The following SZRD1 variants were observed in gnomAD, a reference collection of about 807,000 sequenced individuals.
SZRD1 encodes SUZ RNA-binding domain-containing.
SZRD1 carries 7 observed loss-of-function variants against 17.6 expected under a neutral mutation model. That is an observed-to-expected ratio of 0.40 (90% CI 0.23 to 0.75). The LOEUF (loss-of-function observed/expected upper bound fraction) is 0.75. SZRD1 is among the 30% of genes least tolerant of loss of function. The pLI, the probability that SZRD1 is intolerant of heterozygous loss-of-function variation, is 0.38. For missense variants in SZRD1, 178 were observed against 201.8 expected (o/e 0.88, Z 0.71); for synonymous variants, 77 against 77.9 (o/e 0.99, Z 0.06).
chr1:16,398,058 T>TCCCAC lies in SZRD1; in HGVS notation c.*2926_*2930dup. 1 of 884,322 alleles carries TCCCAC rather than the reference T, an allele frequency of 1.1e-6. No homozygotes were observed. Among genetic ancestry groups the TCCCAC allele is most frequent in the South Asian group, 5.2e-5 (1 of 19,192 alleles). The allele number at this position is 884,322 out of a possible 1,614,324, so 54.8% of individuals were successfully genotyped here. On this transcript the variant is annotated 3_prime_UTR_variant, in exon 4 of 4. Transcript: ENST00000401088. ...GCTGGTGTAGCGGGCAGCTGCCCAC[T>TCCCAC]CCCACCCCACCCTGCACCGCGGGCT...
At chr1:16,395,009 A>C in intron 3 of SZRD1, 29 bp from the exon 4 acceptor site, 1 of 1,295,436 alleles carries the variant, frequency 7.7e-7, no homozygotes, top group East Asian at 2.3e-5. Context: ...ATCCTTCTTC[A>C]GGCCTTCCTC....
intron 1 of SZRD1, among the ~76,000 whole-genome samples, chr1:16,373,662 A>G (rs575515910): frequency 6.6e-6 from 1 of 151,674 alleles, no homozygotes; most frequent in African/African-American, 2.4e-5. Context: ...CAGTGGTGCA[A>G]TGATGACTTA....
intron 1 of SZRD1, among the ~76,000 whole-genome samples, 193 bp downstream of exon 1, chr1:16,367,501 C>G (rs1458021594): frequency 1.3e-5 from 2 of 152,200 alleles, no homozygotes; most frequent in Admixed American, 6.5e-5. Context: ...TCTCTCCTTT[C>G]CTTTGCCTGG....
chr1:16,372,638 G>A (rs1181034467), intron 1 of SZRD1, among the ~76,000 whole-genome samples: 1 of 152,128 alleles, frequency 6.6e-6, no homozygotes, highest in Non-Finnish European at 1.5e-5. Context: ...CCAGGTCAAG[G>A]CATGCAGCTA....
intron 1 of SZRD1, among the ~76,000 whole-genome samples, chr1:16,382,402 G>T (rs2083120276): frequency 6.6e-6 from 1 of 151,868 alleles, no homozygotes; most frequent in Non-Finnish European, 1.5e-5. Context: ...TGGCCAGGCT[G>T]GTCTGGAACT....
At position 16,367,757 on chromosome 1, in the gene SZRD1, G is replaced by T. The variant is rs945932294; in HGVS notation, c.51+449G>T. 4 of 171,852 alleles carry T rather than the reference G, an allele frequency of 2.3e-5. 1 individual carries two copies. The highest frequency in any genetic ancestry group is 4.9e-5 in the Non-Finnish European group (4 of 80,882). 10.6% of individuals were successfully genotyped at this position (171,852 alleles called of 1,614,324 possible). ...CATGTCCGGCTTCGCAGGAAAGCGG[G>T]AGGAGGCAGCCGAGGGCGGGGGGAA... On this transcript the variant is annotated intron_variant, in intron 1 of 3. Transcript: ENST00000401088.
chr1:16,394,950 G>A (rs539450056), intron 3 of SZRD1, 88 bp from the exon 4 acceptor site: 36 of 810,442 alleles, frequency 4.4e-5, no homozygotes, highest in East Asian at 3.7e-4. Context: ...ATGAGACTCC[G>A]TCTCAAAAAT....
intron 1 of SZRD1, 105 bp downstream of exon 1, chr1:16,367,413 T>TA (rs2082838874): frequency 8.8e-7 from 1 of 1,135,070 alleles, no homozygotes; most frequent in South Asian, 1.5e-5. Context: ...AAGGGCCCCA[T>TA]ACGCCGGGCT....
intron 1 of SZRD1, among the ~76,000 whole-genome samples, chr1:16,378,397 G>A (rs866815775): frequency 1.3e-5 from 2 of 148,430 alleles, no homozygotes; most frequent in African/African-American, 5.0e-5. Context: ...AAATTCTCCT[G>A]CCTCAGCCTC....
intron 1 of SZRD1, among the ~76,000 whole-genome samples, chr1:16,371,877 A>G (rs183637244): frequency 4.6e-4 from 70 of 152,216 alleles, no homozygotes; most frequent in African/African-American, 1.6e-3. Context: ...GTGTACCACT[A>G]TGTGCCTGGC....
intron 1 of SZRD1, among the ~76,000 whole-genome samples, chr1:16,381,930 A>C (rs2083111946): frequency 6.6e-6 from 1 of 152,050 alleles, no homozygotes; most frequent in African/African-American, 2.4e-5. Flanking sequence ...ATTGCAAAAC[A>C]AAACCAAAAA....
At chr1:16,367,537 G>T (rs923139373) in intron 1 of SZRD1, among the ~76,000 whole-genome samples, 1 of 152,188 alleles carries the variant, frequency 6.6e-6, no homozygotes, top group African/African-American at 2.4e-5. Flanking sequence ...CCACTAACGC[G>T]CGCGTCACCC....
intron 1 of SZRD1, among the ~76,000 whole-genome samples, chr1:16,370,034 C>T (rs2082886452): frequency 6.6e-6 from 1 of 152,106 alleles, no homozygotes; most frequent in Non-Finnish European, 1.5e-5. Flanking sequence ...CATTGTCCCC[C>T]TTTTATAGAC....
intron 1 of SZRD1, among the ~76,000 whole-genome samples, chr1:16,376,011 G>A (rs558180327): frequency 6.6e-5 from 10 of 152,228 alleles, no homozygotes; most frequent in East Asian, 3.9e-4. Flanking sequence ...CAAGTTCCTC[G>A]GGCCCTTTTT....
chr1:16,389,275 G>GC lies in SZRD1; in HGVS notation c.52-2100_52-2099insC, dbSNP rs1557630121. 4.6e-3 allele frequency among the ~76,000 whole-genome samples: 515 copies of GC among 112,930 alleles called. 9 individuals carry two copies. The highest frequency in any genetic ancestry group is 0.018 in the African/African-American group (498 of 28,234). 74.1% of individuals were successfully genotyped at this position (112,930 alleles called of 152,430 possible). A position where few individuals can be genotyped will look rare whatever the true frequency, so the allele number is the denominator to read the frequency against. ...ATTTTTTGTATTTTTTTGAGGGGGG[G>GC]TGGGGGGGGGGCAGAGTCTTGCTCT... On this transcript the variant is annotated intron_variant, in intron 1 of 3. Transcript: ENST00000401088.
chr1:16,392,183 G>A (rs1171873833), intron 2 of SZRD1, among the ~76,000 whole-genome samples: 1 of 152,126 alleles, frequency 6.6e-6, no homozygotes, highest in Non-Finnish European at 1.5e-5. Flanking sequence ...CGCTAACCCT[G>A]GGTTACAGTC....
At chr1:16,369,969 T>C (rs1162997053) in intron 1 of SZRD1, among the ~76,000 whole-genome samples, 1 of 151,368 alleles carries the variant, frequency 6.6e-6, no homozygotes, top group Non-Finnish European at 1.5e-5. Flanking sequence ...TCTGCCAAAA[T>C]GCAGGTTCTC....
rs2082874657 is a variant in SZRD1, at chr1:16,369,440, C to T, written c.51+2132C>T. 1.0e-5 allele frequency: 11 copies of T among 1,053,416 alleles called. No homozygotes were observed. The East Asian group carries it at 2.6e-4, about 25-fold the overall frequency. 65.3% of individuals were successfully genotyped at this position (1,053,416 alleles called of 1,614,324 possible). ...AAATTGGCAGCATCCATGATTCCATCTTCTACGGGGTGAGTGCATTCAAGA... is the reference window on the plus strand; with the variant it reads ...AAATTGGCAGCATCCATGATTCCATTTTCTACGGGGTGAGTGCATTCAAGA... On this transcript the variant is annotated intron_variant, in intron 1 of 3. Coordinates refer to ENST00000401088, the MANE Select transcript of SZRD1 (RefSeq NM_001114600.3).
At chr1:16,380,657 G>A (rs1373768253) in intron 1 of SZRD1, among the ~76,000 whole-genome samples, 3 of 152,110 alleles carry the variant, frequency 2.0e-5, no homozygotes, top group African/African-American at 7.2e-5. Flanking sequence ...CCGTAGAGAC[G>A]GGGTTTCTCC....
Sources: gnomAD v4.1 joint callset for allele counts (sites outside exome capture counted in the v4.1 genomes callset) on GRCh38, gnomAD v4.1.1 for gene constraint, MANE v1.5 for transcripts, NCBI Gene and HGNC (gene_info 2026-07-23, HGNC 2026-07-21) for gene names.